Variants in RIPOR3 observed in about 807,000 individuals in gnomAD.
The protein encoded by RIPOR3 is family with sequence similarity 65 member C.
A neutral mutation model predicts 114.3 loss-of-function variants in RIPOR3; 95 were observed. That is an observed-to-expected ratio of 0.83 (90% CI 0.70 to 0.99). The LOEUF is 0.99. Among genes scored for constraint, RIPOR3 ranks in the 50% least tolerant of loss-of-function variants. RIPOR3 has a pLI of 0.00. For synonymous variants in RIPOR3, 575 were observed against 543.8 expected (o/e 1.06, Z -0.80); for missense variants, 1,252 against 1,266.9 (o/e 0.99, Z 0.18).
At chr20:50,670,504 AT>A (rs1295629296) in intron 1 of RIPOR3, among the ~76,000 whole-genome samples, 2 of 152,176 alleles carry the variant, frequency 1.3e-5, no homozygotes, top group African/African-American at 4.8e-5. Context: ...TTGTTGCCCT[AT>A]GAGTAGGCTT....
Position 50,587,211 on chromosome 20 carries a change from G to C in RIPOR3, c.*21C>G, listed in dbSNP as rs779914064. On this transcript the variant is annotated 3_prime_UTR_variant, in exon 22 of 22. Coordinates refer to ENST00000327979, the MANE Select transcript of RIPOR3 (RefSeq NM_001290268.2). Reference sequence around the variant, plus strand: ...CAGCAAAAAAAACGATGTGAGATTTGTGCTCATCAGCCAGGATTTTTTAAA... The same window carrying C: ...CAGCAAAAAAAACGATGTGAGATTTCTGCTCATCAGCCAGGATTTTTTAAA... 6.3e-7 allele frequency: 1 copy of C among 1,586,156 alleles called. No individual in the cohort carries two copies.
intron 1 of RIPOR3, among the ~76,000 whole-genome samples, chr20:50,658,629 C>G (rs1282887144): frequency 1.3e-5 from 2 of 151,910 alleles, no homozygotes; most frequent in African/African-American, 2.4e-5. Context: ...TGATTAGACT[C>G]AAGAGATCAA....
At chr20:50,626,219 G>A (rs1273299061) in intron 2 of RIPOR3, among the ~76,000 whole-genome samples, 2 of 152,258 alleles carry the variant, frequency 1.3e-5, no homozygotes, top group African/African-American at 2.4e-5. Context: ...TAGATGCACC[G>A]CTTCCCCGTC....
intron 1 of RIPOR3, among the ~76,000 whole-genome samples, chr20:50,644,907 T>A (rs1189529081): frequency 1.3e-5 from 2 of 151,572 alleles, no homozygotes; most frequent in African/African-American, 4.8e-5. Flanking sequence ...GGGCGCAATC[T>A]TGGCTCATTG....
In RIPOR3 at chr20:50,623,869, G is replaced by A. The variant is rs192947182; in HGVS notation, c.123-3737C>T. Among the ~76,000 whole-genome samples the A allele has an allele frequency of 1.6e-4, 24 of 152,218 alleles. No individual in the cohort carries two copies. In the East Asian group the frequency reaches 4.1e-3, roughly 26 times the overall value. On this transcript the variant is annotated intron_variant, in intron 2 of 21. Coordinates refer to ENST00000327979, the MANE Select transcript of RIPOR3 (RefSeq NM_001290268.2). ...TATTATTATTTTGAGATGAAATTTCGCTCTGTCGACAGGCTGGAGTGCAGT... is the reference window on the plus strand; with the variant it reads ...TATTATTATTTTGAGATGAAATTTCACTCTGTCGACAGGCTGGAGTGCAGT...
At chr20:50,623,903 C>A in intron 2 of RIPOR3, among the ~76,000 whole-genome samples, 1 of 152,234 alleles carries the variant, frequency 6.6e-6, no homozygotes, top group East Asian at 1.9e-4. Context: ...GTGGCACGAT[C>A]TCTGCTCACT....
intron 11 of RIPOR3, among the ~76,000 whole-genome samples, chr20:50,605,121 C>T (rs2083660209): frequency 6.6e-6 from 1 of 152,090 alleles, no homozygotes; most frequent in African/African-American, 2.4e-5. Context: ...TTTGTAAAGA[C>T]AGCGTCTTGC....
chr20:50,591,847 A>C (rs1435181096), intron 19 of RIPOR3, among the ~76,000 whole-genome samples: 4 of 152,266 alleles, frequency 2.6e-5, no homozygotes, highest in African/African-American at 9.6e-5. Context: ...CTGTAATCCC[A>C]GCACTTTGGG....
At chr20:50,604,595 C>G in intron 12 of RIPOR3, 50 bp downstream of exon 12, 1 of 1,557,266 alleles carries the variant, frequency 6.4e-7, no homozygotes, top group Non-Finnish European at 8.7e-7. Context: ...TGCGTGCTGC[C>G]CCCATCCCAG....
At chr20:50,660,509 T>C (rs1018461638) in intron 1 of RIPOR3, among the ~76,000 whole-genome samples, 8 of 151,982 alleles carry the variant, frequency 5.3e-5, no homozygotes, top group African/African-American at 1.7e-4. Context: ...CAGCAAGAAC[T>C]CACTCACTGG....
chr20:50,632,724 A>C (rs1347560383), intron 1 of RIPOR3, among the ~76,000 whole-genome samples: 1 of 152,228 alleles, frequency 6.6e-6, no homozygotes, highest in Admixed American at 6.5e-5. Flanking sequence ...CCCTCTTAAG[A>C]GCAGGAGCTT....
chr20:50,595,235 C>T, intron 16 of RIPOR3, 134 bp downstream of exon 16: 1 of 1,216,880 alleles, frequency 8.2e-7, no homozygotes, highest in South Asian at 1.4e-5. Context: ...TCTCTGAGCC[C>T]AGCCCAGCCA....
intron 3 of RIPOR3, 145 bp downstream of exon 3, chr20:50,619,841 C>A (rs2084330098): frequency 1.4e-5 from 16 of 1,109,826 alleles, no homozygotes; most frequent in Non-Finnish European, 2.0e-5. Flanking sequence ...TGCACCCTGA[C>A]ATACTTGCTT....
intron 1 of RIPOR3, chr20:50,636,537 C>T (rs1293832657): frequency 5.1e-6 from 5 of 984,710 alleles, no homozygotes; most frequent in Non-Finnish European, 6.0e-6. Context: ...CCTGCTGGGC[C>T]CCAGGGCAGA....
chr20:50,644,722 A>G (rs1405551892), intron 1 of RIPOR3, among the ~76,000 whole-genome samples: 1 of 113,928 alleles, frequency 8.8e-6, no homozygotes, highest in Non-Finnish European at 1.6e-5. Context: ...GAGTTTCACC[A>G]TGTTGCCCAG....
intron 1 of RIPOR3, among the ~76,000 whole-genome samples, chr20:50,654,431 T>TG (rs1351274054): frequency 3.0e-5 from 4 of 132,376 alleles, no homozygotes; most frequent in Admixed American, 7.7e-5. Context: ...AGTTTTTTTT[T>TG]TTTTTTTTTT....
chr20:50,639,098 C>T (rs568437970), intron 1 of RIPOR3, among the ~76,000 whole-genome samples: 57 of 152,154 alleles, frequency 3.7e-4, no homozygotes, highest in African/African-American at 1.3e-3. Context: ...AGAAATTAGC[C>T]AGGTGTCGTG....
At chr20:50,621,718 C>T (rs937475029) in intron 2 of RIPOR3, among the ~76,000 whole-genome samples, 1 of 152,164 alleles carries the variant, frequency 6.6e-6, no homozygotes, top group African/African-American at 2.4e-5. Context: ...ACCAAATCTC[C>T]ATGACAGTGA....
chr20:50,602,292 CTCT>C lies in RIPOR3; in HGVS notation c.1436_1438del (p.Glu479_Ser480delinsGly), dbSNP rs775362353. 345 of 1,613,694 alleles carry C rather than the reference CTCT, an allele frequency of 2.1e-4. 2 individuals carry two copies. The highest frequency in any genetic ancestry group is 2.9e-4 in the Non-Finnish European group (340 of 1,179,918). ...CAGGGAGCCCTGTGGCAGGCTGGGGCTCTCCCCTCCTAAGTTCCTCCAGCCAGG... is the reference window on the plus strand; with the variant it reads ...CAGGGAGCCCTGTGGCAGGCTGGGGCCCCCTCCTAAGTTCCTCCAGCCAGG... On this transcript the variant is annotated inframe_deletion, in exon 13 of 22. Transcript: ENST00000327979. This position sits in a 1 kb window ranked among gnomAD's most constrained non-coding sequence, Gnocchi z 4.3.
Sources: allele counts gnomAD v4.1 joint callset (sites outside exome capture counted in the v4.1 genomes callset), GRCh38; gene constraint gnomAD v4.1.1; non-coding constraint Gnocchi (gnomAD v3.1); transcripts MANE v1.5; gene names NCBI Gene and HGNC (gene_info 2026-07-23, HGNC 2026-07-21).